Variants in GIMAP8 observed in about 807,000 individuals in gnomAD.
GIMAP8 encodes GTPase IMAP family member 8.
Under a neutral mutation model 35.6 loss-of-function variants are expected in GIMAP8, and 29 were observed. The ratio of observed to expected loss-of-function variants is 0.81; its 90% CI spans 0.61 to 1.11. The LOEUF (loss-of-function observed/expected upper bound fraction) is 1.11. Ranked by LOEUF, GIMAP8 falls within the 50% of genes most tolerant of loss-of-function variation. GIMAP8 has a pLI of 0.00. For missense variants in GIMAP8, 811 were observed against 805.0 expected (o/e 1.01, Z -0.09); for synonymous variants, 335 against 308.7 (o/e 1.09, Z -0.89).
chr7:150,466,934 AGCAAC>A lies in GIMAP8; in HGVS notation c.242_246del (p.Arg81HisfsTer29). ...TCCTCAATAGCTTGTGCTGAAGACA[AGCAAC>A]GCAACATCCAACACTGCTTGGAGCT... On this transcript the variant is annotated frameshift_variant, in exon 2 of 5. Transcript: ENST00000307271. LOFTEE classifies it high-confidence loss of function. The A allele has an allele frequency of 6.2e-7, 1 of 1,614,242 alleles. No homozygotes were observed. The highest frequency in any genetic ancestry group is 8.5e-7 in the Non-Finnish European group (1 of 1,180,042).
Position 150,465,721 on chromosome 7 carries a change from T to C in GIMAP8, c.-28-950T>C, listed in dbSNP as rs189880151. ...ACAGATTGCAAAGAGCTTGGCACATTAGCTCAAGAGTTTTGGGTTTGACTT... is the reference window on the plus strand; with the variant it reads ...ACAGATTGCAAAGAGCTTGGCACATCAGCTCAAGAGTTTTGGGTTTGACTT... On this transcript the variant is annotated intron_variant, in intron 1 of 4. Transcript: ENST00000307271. 7.2e-5 allele frequency among the ~76,000 whole-genome samples: 11 copies of C among 152,310 alleles called. No individual in the cohort carries two copies. In the East Asian group the frequency reaches 2.1e-3, roughly 29 times the overall value.
intron 1 of GIMAP8, 53 bp from the exon 2 acceptor site, chr7:150,466,618 T>C: frequency 6.8e-7 from 1 of 1,461,026 alleles, no homozygotes; most frequent in Non-Finnish European, 9.3e-7. Context: ...GCTGTTTTCC[T>C]GTCCACTCTG....
Position 150,474,580 on chromosome 7 carries a change from A to T in GIMAP8, c.1251A>T (p.Glu417Asp), listed in dbSNP as rs1563287607. Residue 417 changes from glutamate to aspartate, a missense_variant, in exon 4 of 5, where the codon GAA (glutamate) becomes GAT (aspartate). Transcript: ENST00000307271. ...AAAGGCAGGCGGACGAGCTCCTGGA[A>T]AAAATTGAGAGCATGGTGCATCAGA... Reference protein sequence around the residue: ...EEQRQADELLEKIESMVHQNG... With the variant: ...EEQRQADELLDKIESMVHQNG... 6.2e-7 allele frequency: 1 copy of T among 1,613,252 alleles called. No homozygotes were observed. The highest frequency in any genetic ancestry group is 2.2e-5 in the East Asian group (1 of 44,882).
intron 2 of GIMAP8, among the ~76,000 whole-genome samples, chr7:150,469,490 A>G (rs1002842258): frequency 6.6e-6 from 1 of 152,244 alleles, no homozygotes; most frequent in Non-Finnish European, 1.5e-5. Flanking sequence ...TCTGTAAAGC[A>G]GAGATAATAA....
chr7:150,470,768 T>TC (rs71196711), intron 2 of GIMAP8, 61 bp from the exon 3 acceptor site: 2 of 524,800 alleles, frequency 3.8e-6, no homozygotes, highest in African/African-American at 4.1e-5. Context: ...TTTTTTTTTT[T>TC]CAGTTTGTGG....
At chr7:150,453,779 G>A (rs1468269263) in intron 1 of GIMAP8, among the ~76,000 whole-genome samples, 1 of 152,026 alleles carries the variant, frequency 6.6e-6, no homozygotes, top group East Asian at 1.9e-4. Flanking sequence ...TGTGAAGGGT[G>A]ACAGTAGTGG....
intron 4 of GIMAP8, 22 bp downstream of exon 4, chr7:150,474,660 A>G (rs1802184930): frequency 7.2e-7 from 1 of 1,387,172 alleles, no homozygotes; most frequent in East Asian, 2.4e-5. Context: ...AATAGGATAT[A>G]TATTTTTACA....
chr7:150,466,715 G>A lies in GIMAP8; in HGVS notation c.17G>A (p.Cys6Tyr). The change falls in exon 2 of 5, where the codon TGC (cysteine) becomes TAC (tyrosine). Residue 6 changes from cysteine to tyrosine, a missense_variant. Physicochemically the swap from Cys to Tyr is radical, Grantham distance 194 (BLOSUM62 -2). Transcript: ENST00000307271. ...CAGGAAAGCATGTCAGAGCAGAGCT[G>A]CCAGATGTCCGAACTGCGGCTCCTC... Reference protein sequence around the residue: MSEQSCQMSELRLLLL... With the variant: MSEQSYQMSELRLLLL... The A allele has an allele frequency of 6.2e-7, 1 of 1,614,104 alleles. No homozygotes were observed. Among genetic ancestry groups the A allele is most frequent in the Non-Finnish European group, 8.5e-7 (1 of 1,180,028 alleles).
chr7:150,458,959 A>C (rs1801786524), intron 1 of GIMAP8, among the ~76,000 whole-genome samples: 1 of 152,228 alleles, frequency 6.6e-6, no homozygotes, highest in Non-Finnish European at 1.5e-5. Flanking sequence ...TCACGTGGTC[A>C]TAACTGGTAT....
intron 1 of GIMAP8, among the ~76,000 whole-genome samples, chr7:150,452,721 G>C (rs1021569109): frequency 1.5e-4 from 10 of 68,360 alleles, no homozygotes; most frequent in Non-Finnish European, 2.6e-4. Context: ...CATGCGAGTG[G>C]AACTACAGGC....
Position 150,467,233 on chromosome 7 carries a change from A to C in GIMAP8, c.535A>C (p.Ile179Leu). ...NNKTNSKDEQ[I>L]TQVLELLRKV... ...CAAGACCAATAGTAAGGATGAGCAGATCACCCAGGTGTTGGAGCTCCTTCG... is the reference window on the plus strand; with the variant it reads ...CAAGACCAATAGTAAGGATGAGCAGCTCACCCAGGTGTTGGAGCTCCTTCG... The change falls in exon 2 of 5, where the codon ATC becomes CTC. Residue 179 changes from isoleucine (I) to leucine (L), a missense_variant. Transcript: ENST00000307271. 1 of 1,614,230 alleles carries C rather than the reference A, an allele frequency of 6.2e-7. No individual in the cohort carries two copies. The highest frequency in any genetic ancestry group is 1.3e-5 in the African/African-American group (1 of 75,066).
chr7:150,452,673 G>GAGAT (rs1554492365), intron 1 of GIMAP8, among the ~76,000 whole-genome samples: 8 of 56,266 alleles, frequency 1.4e-4, no homozygotes, highest in African/African-American at 5.9e-4. Flanking sequence ...GTGTGTGTGT[G>GAGAT]AGATATATAT....
intron 4 of GIMAP8, among the ~76,000 whole-genome samples, chr7:150,475,995 T>C (rs1184967114): frequency 3.9e-5 from 6 of 152,134 alleles, no homozygotes; most frequent in Non-Finnish European, 8.8e-5. Flanking sequence ...TTAAGAACAC[T>C]GAATTAGAGA....
intron 2 of GIMAP8, 66 bp downstream of exon 2, chr7:150,467,400 T>A: frequency 7.9e-7 from 1 of 1,266,872 alleles, no homozygotes; most frequent in East Asian, 2.3e-5. Flanking sequence ...AAAGTGGGTA[T>A]AAATAAATGA....
In GIMAP8 at chr7:150,477,433, A is replaced by G; in HGVS notation, c.1651A>G (p.Ile551Val). The G allele has an allele frequency of 6.2e-7, 1 of 1,613,792 alleles. No homozygotes were observed. Among genetic ancestry groups the G allele is most frequent in the Non-Finnish European group, 8.5e-7 (1 of 1,179,626 alleles). ...AACAGCTGTGGCGAAACTGGAGGCC[A>G]TCTTTGGAGCAGACTTTACGAAATA... ...DKTAVAKLEA[I>V]FGADFTKYAI... The change falls in exon 5 of 5, where the codon ATC (isoleucine) becomes GTC (valine). Residue 551 changes from isoleucine to valine, a missense_variant. Physicochemically the swap from Ile to Val is conservative, Grantham distance 29 (BLOSUM62 3). Coordinates refer to ENST00000307271, the MANE Select transcript of GIMAP8 (RefSeq NM_175571.4).
rs546400982 is a variant in GIMAP8, at chr7:150,451,079, G to A, written c.-125G>A. The A allele has an allele frequency of 1.3e-5, 2 of 152,468 alleles. No homozygotes were observed. The highest frequency in any genetic ancestry group is 1.3e-4 in the Admixed American group (2 of 15,304). 9.4% of individuals were successfully genotyped at this position (152,468 alleles called of 1,614,324 possible). On this transcript the variant is annotated 5_prime_UTR_variant, in exon 1 of 5. Transcript: ENST00000307271. The surrounding 1 kb of genome is among the most constrained non-coding windows in gnomAD (Gnocchi z 4.1). ...AAACCCTCCTGCCAGGAAGACCAGG[G>A]CCTGGGAAGAGGGTCGCTCTCCGGC...
intron 2 of GIMAP8, among the ~76,000 whole-genome samples, chr7:150,469,372 C>T (rs1289814214): frequency 6.6e-6 from 1 of 152,222 alleles, no homozygotes; most frequent in Non-Finnish European, 1.5e-5. Context: ...TTCCTCATGG[C>T]AATGTCACCA....
Position 150,474,305 on chromosome 7 carries a change from G to T in GIMAP8, c.976G>T (p.Ala326Ser). The T allele has an allele frequency of 6.2e-7, 1 of 1,614,096 alleles. No homozygotes were observed. Among genetic ancestry groups the T allele is most frequent in the Non-Finnish European group, 8.5e-7 (1 of 1,179,950 alleles). ...AAAACACATCTGTACAGGCCCCCATGCCTTCCTGCTGGTGACACCACTGGG... is the reference window on the plus strand; with the variant it reads ...AAAACACATCTGTACAGGCCCCCATTCCTTCCTGCTGGTGACACCACTGGG... ...VRKHICTGPH[A>S]FLLVTPLGFY... The change falls in exon 4 of 5, where the codon GCC becomes TCC. Residue 326 changes from alanine to serine, a missense_variant. Transcript: ENST00000307271.
intron 1 of GIMAP8, among the ~76,000 whole-genome samples, chr7:150,458,833 T>C (rs911385068): frequency 6.6e-6 from 1 of 152,206 alleles, no homozygotes; most frequent in African/African-American, 2.4e-5. Context: ...ACATCTTTTG[T>C]TACATGTTAG....
Sources: allele counts gnomAD v4.1 joint callset (sites outside exome capture counted in the v4.1 genomes callset), GRCh38; gene constraint gnomAD v4.1.1; non-coding constraint Gnocchi (gnomAD v3.1); transcripts MANE v1.5; gene names NCBI Gene and HGNC (gene_info 2026-07-23, HGNC 2026-07-21).